Variants in MTA1 observed in about 807,000 individuals in gnomAD.
MTA1 encodes the protein metastasis associated 1.
MTA1 carries 15 observed loss-of-function variants against 97.0 expected under a neutral mutation model. The observed-to-expected ratio is 0.15, with a 90% CI of 0.10 to 0.24. The LOEUF (loss-of-function observed/expected upper bound fraction) is 0.24, where lower values mean the gene tolerates loss of function less well. MTA1 is among the 10% of genes least tolerant of loss of function. MTA1 has a pLI of 1.00. For synonymous variants in MTA1, 435 were observed against 417.5 expected (o/e 1.04, Z -0.51); for missense variants, 709 against 1,015.1 (o/e 0.70, Z 4.10).
rs2083461036 is a variant in MTA1 at position 105,463,963 on chromosome 14, T to C, written c.1077-69T>C. The stretch of plus-strand genomic sequence containing the variant: ...ACAAGGGGTGGTCAGCCGCGGTGCC[T>C]GCTGGGCACATGGGCCCTCGAGGTT... On this transcript the variant is annotated intron_variant, in intron 12 of 20. Transcript: ENST00000331320. The surrounding 1 kb of genome is among the most constrained non-coding windows in gnomAD (Gnocchi z 5.9). 9 of 1,503,602 alleles carry C rather than the reference T, an allele frequency of 6.0e-6. No homozygotes were observed. The highest frequency in any genetic ancestry group is 7.4e-6 in the Non-Finnish European group (8 of 1,082,294). The allele number at this position is 1,503,602 out of a possible 1,614,324, so 93.1% of individuals were successfully genotyped here.
chr14:105,461,104 C>T (rs1305171940), intron 10 of MTA1, 151 bp downstream of exon 10: 89 of 828,620 alleles, frequency 1.1e-4, no homozygotes, highest in Non-Finnish European at 1.2e-4. Flanking sequence ...TCTGTCTCAG[C>T]TGCGCTCGGC....
At chr14:105,428,080 G>C (rs1334867909) in intron 1 of MTA1, among the ~76,000 whole-genome samples, 1 of 150,780 alleles carries the variant, frequency 6.6e-6, no homozygotes, top group African/African-American at 2.4e-5. Context: ...ACCCACTTAT[G>C]TGTAGGGGCC....
intron 1 of MTA1, among the ~76,000 whole-genome samples, chr14:105,436,932 C>T (rs587646718): frequency 3.3e-5 from 5 of 152,356 alleles, no homozygotes; most frequent in Non-Finnish European, 7.3e-5. Context: ...ATCCTGCATT[C>T]AGAACACTCC....
chr14:105,427,129 C>T (rs1555422438), intron 1 of MTA1, among the ~76,000 whole-genome samples: 1 of 152,236 alleles, frequency 6.6e-6, no homozygotes, highest in Admixed American at 6.5e-5. Flanking sequence ...CCCAATTCTT[C>T]TGTGGCCCCA....
At chr14:105,430,982 CT>C (rs1379776502) in intron 1 of MTA1, among the ~76,000 whole-genome samples, 1 of 152,186 alleles carries the variant, frequency 6.6e-6, no homozygotes, top group Non-Finnish European at 1.5e-5. Context: ...AAAAACTTAA[CT>C]TTTTCCCAGT....
intron 6 of MTA1, among the ~76,000 whole-genome samples, chr14:105,451,957 A>T (rs1365144304): frequency 1.4e-4 from 21 of 151,804 alleles, no homozygotes; most frequent in African/African-American, 4.8e-4. Flanking sequence ...TGTCCGGCTA[A>T]TTTTTTGTAT....
At chr14:105,461,416 C>T (rs2083342321) in intron 10 of MTA1, among the ~76,000 whole-genome samples, 2 of 152,214 alleles carry the variant, frequency 1.3e-5, no homozygotes, top group African/African-American at 2.4e-5. Flanking sequence ...CGTGGGGTCT[C>T]CCTTCCCTGT....
chr14:105,469,303 G>A (rs1179105275), intron 18 of MTA1, 164 bp from the exon 19 acceptor site: 2 of 726,062 alleles, frequency 2.8e-6, no homozygotes, highest in Non-Finnish European at 4.8e-6. Flanking sequence ...AGGACCCGGG[G>A]ATGCGAGGCC....
intron 1 of MTA1, among the ~76,000 whole-genome samples, chr14:105,436,314 C>T (rs1416018073): frequency 1.3e-5 from 2 of 152,154 alleles, no homozygotes; most frequent in Non-Finnish European, 2.9e-5. Context: ...CTGATATTTT[C>T]CCCTCTACTA....
intron 14 of MTA1, 24 bp downstream of exon 14, chr14:105,464,591 G>T (rs782640224): frequency 1.3e-5 from 21 of 1,611,774 alleles, no homozygotes; most frequent in Non-Finnish European, 1.8e-5. Flanking sequence ...CACCCGCCCT[G>T]CCTGCCATGA....
At chr14:105,460,285 G>A (rs980820202) in intron 8 of MTA1, 73 bp from the exon 9 acceptor site, 51 of 1,345,878 alleles carry the variant, frequency 3.8e-5, no homozygotes, top group Admixed American at 3.2e-4. Flanking sequence ...GGTCCCTGGC[G>A]CCTGGGGAGC....
intron 6 of MTA1, among the ~76,000 whole-genome samples, chr14:105,451,398 C>T (rs1360475276): frequency 6.6e-6 from 1 of 152,232 alleles, no homozygotes; most frequent in African/African-American, 2.4e-5. Context: ...GGGGTCGTAA[C>T]ACATGCGTGG....
chr14:105,438,656 C>T lies in MTA1; in HGVS notation c.29-16C>T, dbSNP rs1555424954. The T allele has an allele frequency of 6.2e-7, 1 of 1,613,280 alleles. No homozygotes were observed. Among genetic ancestry groups the T allele is most frequent in the African/African-American group, 1.3e-5 (1 of 75,040 alleles). On this transcript the variant is annotated splice_polypyrimidine_tract_variant and intron_variant, in intron 1 of 20. Transcript: ENST00000331320. ...TTTGGTGCCACAGGTGGCACTCTCT[C>T]TGTTGCTGTTTGCAGACTACGTCTA...
rs148480228 is a variant in MTA1 at position 105,450,294 on chromosome 14, C to T, written c.402C>T (p.Thr134=). The T allele has an allele frequency of 2.2e-5, 36 of 1,607,538 alleles. No individual in the cohort carries two copies. In the East Asian group the frequency reaches 4.7e-4, roughly 21 times the overall value. The part of the protein sequence containing the change: ...GKCSVTLLNE[T]ESLKSYLERE... ...GCAGCGTCACCCTGCTCAACGAGAC[C>T]GAGTCGCTCAAGTCCTACCTGGAGC... The change falls in exon 6 of 21, where the codon ACC becomes ACT. Residue 134 remains threonine (T), a synonymous_variant. Coordinates refer to ENST00000331320, the MANE Select transcript of MTA1 (RefSeq NM_004689.4).
rs1293906807 is a variant in MTA1 at position 105,420,831 on chromosome 14, T to C, written c.28+768T>C. On this transcript the variant is annotated intron_variant, in intron 1 of 20. Coordinates refer to ENST00000331320, the MANE Select transcript of MTA1 (RefSeq NM_004689.4). This position sits in a 1 kb window ranked among gnomAD's most constrained non-coding sequence, Gnocchi z 5.3. ...GTGTGCCTGGGACTCCGTGGGGTCTTTCACAGGAAGGTGGGGGGTCGTGTG... is the reference window on the plus strand; with the variant it reads ...GTGTGCCTGGGACTCCGTGGGGTCTCTCACAGGAAGGTGGGGGGTCGTGTG... 3.9e-5 allele frequency among the ~76,000 whole-genome samples: 6 copies of C among 152,156 alleles called. No individual in the cohort carries two copies. The highest frequency in any genetic ancestry group is 1.4e-4 in the African/African-American group (6 of 41,430).
At chr14:105,430,395 C>T (rs2082143216) in intron 1 of MTA1, among the ~76,000 whole-genome samples, 1 of 152,096 alleles carries the variant, frequency 6.6e-6, no homozygotes, top group African/African-American at 2.4e-5. Flanking sequence ...CAATTAAGTT[C>T]TTAGTTGGGG....
At chr14:105,435,686 C>T (rs1360938946) in intron 1 of MTA1, among the ~76,000 whole-genome samples, 2 of 152,148 alleles carry the variant, frequency 1.3e-5, no homozygotes, top group African/African-American at 2.4e-5. Flanking sequence ...CCAATGAAGC[C>T]ATCTGGGCGC....
At position 105,463,069 on chromosome 14, in the gene MTA1, G is replaced by T. The variant is rs1037182656; in HGVS notation, c.943-115G>T. On this transcript the variant is annotated intron_variant, in intron 10 of 20. Coordinates refer to ENST00000331320, the MANE Select transcript of MTA1 (RefSeq NM_004689.4). This position sits in a 1 kb window ranked among gnomAD's most constrained non-coding sequence, Gnocchi z 5.9. ...GGCCTCCGTGCACCAAGCACACCTC[G>T]CCCTCTGGCCTCCCGCCCCCTCTGT... The T allele has an allele frequency of 3.0e-6, 3 of 1,014,942 alleles. No homozygotes were observed. The highest frequency in any genetic ancestry group is 3.0e-6 in the Non-Finnish European group (2 of 667,694). The allele number at this position is 1,014,942 out of a possible 1,614,324, so 62.9% of individuals were successfully genotyped here. A position where few individuals can be genotyped will look rare whatever the true frequency, so the allele number is the denominator to read the frequency against.
intron 6 of MTA1, among the ~76,000 whole-genome samples, chr14:105,451,775 CTTTTTTTGTTTTTT>C (rs1431700089): frequency 9.3e-5 from 11 of 118,280 alleles, no homozygotes; most frequent in African/African-American, 2.8e-4. Flanking sequence ...TTTTCTTTTT[CTTTTTTTGTTTTTT>C]TTTTTTTTTT....
Sources: gnomAD v4.1 joint callset for allele counts (sites outside exome capture counted in the v4.1 genomes callset) on GRCh38, gnomAD v4.1.1 for gene constraint, Gnocchi (gnomAD v3.1) non-coding constraint, MANE v1.5 for transcripts, NCBI Gene and HGNC (gene_info 2026-07-23, HGNC 2026-07-21) for gene names.